TERF2: variants seen among roughly 807,000 people sequenced by gnomAD.
TERF2 encodes the protein telomeric repeat-binding factor 2.
A neutral mutation model predicts 56.1 loss-of-function variants in TERF2; 16 were observed. The ratio of observed to expected loss-of-function variants is 0.29; its 90% CI spans 0.19 to 0.43. The LOEUF (loss-of-function observed/expected upper bound fraction) is 0.43. Ranked by LOEUF, TERF2 falls within the 20% of genes least tolerant of loss-of-function variation. The pLI, the probability that TERF2 is intolerant of heterozygous loss-of-function variation, is 1.00. For synonymous variants in TERF2, 296 were observed against 282.1 expected (o/e 1.05, Z -0.50); for missense variants, 547 against 712.9 (o/e 0.77, Z 2.65).
At chr16:69,374,180 A>G (rs2013682995) in intron 3 of TERF2, among the ~76,000 whole-genome samples, 2 of 152,226 alleles carry the variant, frequency 1.3e-5, no homozygotes, top group South Asian at 4.1e-4. Flanking sequence ...TTAATCATAC[A>G]GGTCTTACTG....
chr16:69,380,061 G>A (rs971196754), intron 3 of TERF2, among the ~76,000 whole-genome samples: 4 of 151,700 alleles, frequency 2.6e-5, no homozygotes, highest in African/African-American at 4.8e-5. Context: ...TTACAGGCTC[G>A]GGCCACACAC....
Position 69,385,885 on chromosome 16 carries a change from G to A in TERF2, c.87C>T (p.Pro29=). The change falls in exon 1 of 10, where the codon CCC becomes CCT. Residue 29 remains proline, a synonymous_variant. Coordinates refer to ENST00000254942, the MANE Select transcript of TERF2 (RefSeq NM_005652.5). ...DPAASQPRKR[P]GREGGEGARR... is the part of the protein sequence containing the mutation. ...GCGCGCCCTCCCCGCCCTCCCGGCC[G>A]GGCCGCTTCCTCGGCTGTGACGCCG... The A allele has an allele frequency of 2.9e-6, 4 of 1,371,658 alleles. No individual in the cohort carries two copies. Among genetic ancestry groups the A allele is most frequent in the South Asian group, 1.6e-5 (1 of 60,608 alleles). 85.0% of individuals were successfully genotyped at this position (1,371,658 alleles called of 1,614,324 possible).
Position 69,356,746 on chromosome 16 carries a change from G to T in TERF2, c.*152C>A. On this transcript the variant is annotated 3_prime_UTR_variant, in exon 10 of 10. Coordinates refer to ENST00000254942, the MANE Select transcript of TERF2 (RefSeq NM_005652.5). ...GCCCGGGAGACGGAGGTCGCAGTGA[G>T]CCGAGATCACGCCACTGCACTCCAG... 1.2e-6 allele frequency: 1 copy of T among 824,832 alleles called. No individual in the cohort carries two copies. The highest frequency in any genetic ancestry group is 3.5e-5 in the Admixed American group (1 of 28,820). 51.1% of individuals were successfully genotyped at this position (824,832 alleles called of 1,614,324 possible).
chr16:69,385,890 G>A lies in TERF2; in HGVS notation c.82C>T (p.Arg28Trp), dbSNP rs1192506837. The A allele has an allele frequency of 6.6e-6, 9 of 1,370,562 alleles. No individual in the cohort carries two copies. The highest frequency in any genetic ancestry group is 5.0e-5 in the South Asian group (3 of 60,450). The allele number at this position is 1,370,562 out of a possible 1,614,324, so 84.9% of individuals were successfully genotyped here. The change falls in exon 1 of 10, where the codon CGG (arginine) becomes TGG (tryptophan). Residue 28 changes from arginine (R) to tryptophan (W), a missense_variant. By Grantham distance (101) the Arg-to-Trp change is moderately radical. Around this residue, in one of 6 missense-constraint regions of TERF2, gnomAD observed 85 missense variants for 59.5 expected, o/e 1.43. Coordinates refer to ENST00000254942, the MANE Select transcript of TERF2 (RefSeq NM_005652.5). ...RDPAASQPRK[R>W]PGREGGEGAR... is the part of the protein sequence containing the mutation. ...CCCTCCCCGCCCTCCCGGCCGGGCC[G>A]CTTCCTCGGCTGTGACGCCGCTGGG...
chr16:69,384,494 G>A (rs1459757819), intron 3 of TERF2, 86 bp downstream of exon 3: 3 of 1,432,842 alleles, frequency 2.1e-6, no homozygotes, highest in Non-Finnish European at 1.9e-6. Context: ...GTTTTCCTCT[G>A]CCCCACACAG....
intron 9 of TERF2, 65 bp from the exon 10 acceptor site, chr16:69,357,121 T>C: frequency 6.6e-7 from 1 of 1,518,650 alleles, no homozygotes. Context: ...TTTTCTCCAA[T>C]GTAGTGATAA....
At chr16:69,364,185 G>A (rs1383447899) in intron 7 of TERF2, among the ~76,000 whole-genome samples, 1 of 152,060 alleles carries the variant, frequency 6.6e-6, no homozygotes, top group Non-Finnish European at 1.5e-5. Context: ...AGGTGCCGTG[G>A]GAGATACAAG....
Position 69,356,347 on chromosome 16 carries a change from G to A in TERF2, c.*551C>T. The A allele has an allele frequency of 2.7e-6, 1 of 368,450 alleles. No homozygotes were observed. Among genetic ancestry groups the A allele is most frequent in the Non-Finnish European group, 5.3e-6 (1 of 188,064 alleles). 22.8% of individuals were successfully genotyped at this position (368,450 alleles called of 1,614,324 possible). ...GAAGGGAAACGCTAATGATATTCTGGCACTGCACAAGCTGTGTGCCTGTCA... is the reference window on the plus strand; with the variant it reads ...GAAGGGAAACGCTAATGATATTCTGACACTGCACAAGCTGTGTGCCTGTCA... On this transcript the variant is annotated 3_prime_UTR_variant, in exon 10 of 10. Transcript: ENST00000254942.
intron 3 of TERF2, among the ~76,000 whole-genome samples, chr16:69,378,481 G>T (rs1040863578): frequency 9.9e-5 from 15 of 152,208 alleles, no homozygotes; most frequent in African/African-American, 3.6e-4. Context: ...AAAAAACTGG[G>T]ATTTCTTTCA....
At chr16:69,373,812 G>A (rs563796445) in intron 3 of TERF2, among the ~76,000 whole-genome samples, 5 of 152,242 alleles carry the variant, frequency 3.3e-5, no homozygotes, top group East Asian at 1.9e-4. Flanking sequence ...CAGCTTGGGC[G>A]AAAGAGCGAT....
chr16:69,363,344 G>A (rs2013213970), intron 7 of TERF2, among the ~76,000 whole-genome samples: 1 of 152,126 alleles, frequency 6.6e-6, no homozygotes, highest in African/African-American at 2.4e-5. Context: ...CCTGTCCTCT[G>A]TTGAACTCTC....
At chr16:69,369,680 G>A (rs2142734868) in intron 5 of TERF2, among the ~76,000 whole-genome samples, 1 of 152,288 alleles carries the variant, frequency 6.6e-6, no homozygotes, top group South Asian at 2.1e-4. Flanking sequence ...GACAGCCTGG[G>A]TCTAGTTCTT....
Position 69,367,213 on chromosome 16 carries a change from A to G in TERF2, c.948-14T>C, listed in dbSNP as rs370494514. The G allele has an allele frequency of 3.1e-6, 5 of 1,589,184 alleles. No individual in the cohort carries two copies. The highest frequency in any genetic ancestry group is 3.4e-6 in the Non-Finnish European group (4 of 1,165,202). ...TTCCGTAGCTGCCTGCAAATCAAGC[A>G]TAGGCACAAAGATGTTTTTCACCAC... On this transcript the variant is annotated splice_polypyrimidine_tract_variant and intron_variant, in intron 6 of 9. Transcript: ENST00000254942.
At chr16:69,379,674 A>T (rs902989314) in intron 3 of TERF2, among the ~76,000 whole-genome samples, 2 of 152,344 alleles carry the variant, frequency 1.3e-5, no homozygotes. Flanking sequence ...TAGAAACATA[A>T]ATCAGAAAAT....
chr16:69,384,573 G>A lies in TERF2; in HGVS notation c.606+7C>T. The A allele has an allele frequency of 6.2e-7, 1 of 1,612,202 alleles. No individual in the cohort carries two copies. Among genetic ancestry groups the A allele is most frequent in the African/African-American group, 1.3e-5 (1 of 74,812 alleles). Reference sequence around the variant, plus strand: ...CAAAGAAAAAAGATATAAAAATAGAGCCTTACAGCTTCCTTGACCAGTTTT... The same window carrying A: ...CAAAGAAAAAAGATATAAAAATAGAACCTTACAGCTTCCTTGACCAGTTTT... On this transcript the variant is annotated splice_region_variant and intron_variant, in intron 3 of 9. Transcript: ENST00000254942.
chr16:69,376,962 A>T (rs2013813239), intron 3 of TERF2, among the ~76,000 whole-genome samples: 1 of 151,538 alleles, frequency 6.6e-6, no homozygotes, highest in Non-Finnish European at 1.5e-5. Flanking sequence ...GCACTCTGGG[A>T]GGCCGACGCA....
At position 69,384,627 on chromosome 16, in the gene TERF2, G is replaced by T; in HGVS notation, c.559C>A (p.Leu187Met). Reference protein sequence around the residue: ...VLEMIKTEFTLTEAVVESSRK... With the variant: ...VLEMIKTEFTMTEAVVESSRK... ...CTGGATTCGACCACTGCTTCTGTCA[G>T]TGTAAATTCCGTTTTAATCATCTCC... The change falls in exon 3 of 10, where the codon CTG (leucine) becomes ATG (methionine). Residue 187 changes from leucine (L) to methionine (M), a missense_variant. By Grantham distance (15) the Leu-to-Met change is conservative. This residue lies in a region of TERF2 where 97 missense variants were observed against 157.0 expected (regional missense o/e 0.62). Transcript: ENST00000254942. The T allele has an allele frequency of 6.2e-7, 1 of 1,614,164 alleles. No homozygotes were observed. The highest frequency in any genetic ancestry group is 8.5e-7 in the Non-Finnish European group (1 of 1,180,026).
intron 3 of TERF2, among the ~76,000 whole-genome samples, chr16:69,383,703 T>C (rs1406988349): frequency 6.6e-6 from 1 of 152,246 alleles, no homozygotes; most frequent in Non-Finnish European, 1.5e-5. Flanking sequence ...CCAAGTACAA[T>C]GTACACAGCC....
rs747103217 is a variant in TERF2, at chr16:69,385,852, C to G, written c.120G>C (p.Ser40=). ...TCCCGCCTCCTCCCGCCATCGTGTC[C>G]GATCGCCGCGCGCCCTCCCCGCCCT... ...GREGGEGARR[S]DTMAGGGGSS... is the part of the protein sequence containing the mutation. Residue 40 remains serine (S), a synonymous_variant, in exon 1 of 10, where the codon TCG becomes TCC. Transcript: ENST00000254942. 83 of 1,367,446 alleles carry G rather than the reference C, an allele frequency of 6.1e-5. 1 individual carries two copies. Among genetic ancestry groups the G allele is most frequent in the Non-Finnish European group, 7.6e-5 (80 of 1,057,768 alleles). The allele number at this position is 1,367,446 out of a possible 1,614,324, so 84.7% of individuals were successfully genotyped here.
Sources: gnomAD v4.1 joint callset for allele counts (sites outside exome capture counted in the v4.1 genomes callset) on GRCh38, gnomAD v4.1.1 for gene constraint, gnomAD v4.1.1 regional missense constraint, MANE v1.5 for transcripts, NCBI Gene and HGNC (gene_info 2026-07-23, HGNC 2026-07-21) for gene names.